SPRED2: variants seen among roughly 807,000 people sequenced by gnomAD.
SPRED2 encodes sprouty-related, EVH1 domain-containing protein 2.
A neutral mutation model predicts 43.0 loss-of-function variants in SPRED2; 47 were observed. The ratio of observed to expected loss-of-function variants is 1.09; its 90% CI spans 0.87 to 1.40. The LOEUF is 1.40. SPRED2 is among the 40% of genes most tolerant of loss of function. The probability of loss-of-function intolerance (pLI) is 0.00; values close to 1 mark genes in which losing one functional copy is unlikely to be tolerated. For synonymous variants in SPRED2, 225 were observed against 225.7 expected (o/e 1.00, Z 0.03); for missense variants, 561 against 586.4 (o/e 0.96, Z 0.45).
chr2:65,330,062 C>T (rs1673765170), intron 4 of SPRED2, among the ~76,000 whole-genome samples: 1 of 152,238 alleles, frequency 6.6e-6, no homozygotes, highest in Non-Finnish European at 1.5e-5. Context: ...AGTCCAGCCT[C>T]ACCCCCAGCG....
At chr2:65,363,239 CAAAAAAA>C (rs141094707) in intron 1 of SPRED2, among the ~76,000 whole-genome samples, 12 of 103,088 alleles carry the variant, frequency 1.2e-4, no homozygotes, top group African/African-American at 4.4e-4. Flanking sequence ...AACTCCGTCT[CAAAAAAA>C]AAAAAAAAAA....
intron 1 of SPRED2, chr2:65,380,711 G>A (rs1427709691): frequency 6.6e-6 from 1 of 152,140 alleles, no homozygotes; most frequent in African/African-American, 2.4e-5. Context: ...TCCAGTAAAT[G>A]GCTGTGAGAT....
At position 65,312,061 on chromosome 2, in the gene SPRED2, G is replaced by A; in HGVS notation, c.*1440C>T. On this transcript the variant is annotated 3_prime_UTR_variant, in exon 6 of 6. Coordinates refer to ENST00000356388, the MANE Select transcript of SPRED2 (RefSeq NM_181784.3). ...CGAGGTTCTGATTGTACTATGCTAGGTATAGGTAACCACTCTTCACTTTTC... is the reference window on the plus strand; with the variant it reads ...CGAGGTTCTGATTGTACTATGCTAGATATAGGTAACCACTCTTCACTTTTC... The A allele has an allele frequency of 4.1e-6, 4 of 985,416 alleles. No individual in the cohort carries two copies. The highest frequency in any genetic ancestry group is 4.8e-6 in the Non-Finnish European group (4 of 829,930). The allele number at this position is 985,416 out of a possible 1,614,324, so 61.0% of individuals were successfully genotyped here.
intron 1 of SPRED2, among the ~76,000 whole-genome samples, chr2:65,356,377 C>A (rs535592300): frequency 6.6e-6 from 1 of 151,950 alleles, no homozygotes. Flanking sequence ...TTTCTGAACA[C>A]CTGAAAATCA....
intron 1 of SPRED2, among the ~76,000 whole-genome samples, chr2:65,414,113 A>G (rs1460673186): frequency 6.6e-6 from 1 of 152,240 alleles, no homozygotes. Context: ...AAGTCTTAAA[A>G]AAATTAAAAA....
Position 65,385,406 on chromosome 2 carries a change from C to T in SPRED2, c.27-40510G>A, listed in dbSNP as rs116315131. On this transcript the variant is annotated intron_variant, in intron 1 of 5. Transcript: ENST00000356388. ...CCACGCCCTCTGGGGAGTTGGAGGG[C>T]GTCTGAACAGGAACTTCCATTAACC... 4.6e-3 allele frequency among the ~76,000 whole-genome samples: 695 copies of T among 152,292 alleles called. 6 individuals are homozygous for T. The highest frequency in any genetic ancestry group is 0.016 in the African/African-American group (645 of 41,544).
chr2:65,342,282 A>G (rs1281428619), intron 2 of SPRED2, among the ~76,000 whole-genome samples: 2 of 142,508 alleles, frequency 1.4e-5, no homozygotes, highest in African/African-American at 2.6e-5. Flanking sequence ...GTATACGTAT[A>G]TTATGTATGT....
intron 1 of SPRED2, among the ~76,000 whole-genome samples, chr2:65,411,866 C>A (rs141877508): frequency 6.6e-6 from 1 of 152,054 alleles, no homozygotes; most frequent in Non-Finnish European, 1.5e-5. Flanking sequence ...CGGTGGCTCA[C>A]GCCTGTAATC....
intron 1 of SPRED2, among the ~76,000 whole-genome samples, chr2:65,401,494 T>C (rs903276236): frequency 2.0e-5 from 3 of 151,562 alleles, no homozygotes; most frequent in Non-Finnish European, 4.4e-5. Flanking sequence ...TTATAAGTAG[T>C]GAGAGCTCAA....
chr2:65,394,380 C>T (rs1675705391), intron 1 of SPRED2, among the ~76,000 whole-genome samples: 3 of 152,184 alleles, frequency 2.0e-5, no homozygotes, highest in Admixed American at 6.5e-5. Flanking sequence ...GCACAGACCA[C>T]TCGGATAGAG....
At chr2:65,418,019 C>T (rs576476528) in intron 1 of SPRED2, among the ~76,000 whole-genome samples, 52 of 152,190 alleles carry the variant, frequency 3.4e-4, no homozygotes, top group Admixed American at 2.4e-3. Flanking sequence ...ACCATCTTCC[C>T]CAACAACTAT....
At chr2:65,426,861 C>T (rs1676568769) in intron 1 of SPRED2, among the ~76,000 whole-genome samples, 1 of 152,156 alleles carries the variant, frequency 6.6e-6, no homozygotes, top group South Asian at 2.1e-4. Context: ...GCAGAGGGGA[C>T]CAGCTTTAGT....
At position 65,390,806 on chromosome 2, in the gene SPRED2, C is replaced by T. The variant is rs186117406; in HGVS notation, c.26+41156G>A. Among the ~76,000 whole-genome samples the T allele has an allele frequency of 6.6e-5, 10 of 152,286 alleles. No individual in the cohort carries two copies. In the East Asian group the frequency reaches 1.7e-3, roughly 26 times the overall value. On this transcript the variant is annotated intron_variant, in intron 1 of 5. Transcript: ENST00000356388. ...ATCATCAGAAAATCTACTCCCTGGG[C>T]CAAGCACAGTGGCTCATGCCTGTAA...
At chr2:65,308,418 A>G, downstream of SPRED2, 2 of 985,472 alleles carry the variant, frequency 2.0e-6, no homozygotes, top group Non-Finnish European at 2.4e-6. Context: ...GTCAGCAAGA[A>G]ACTGAAATCA....
chr2:65,342,483 A>G (rs1674224739), intron 2 of SPRED2, among the ~76,000 whole-genome samples: 1 of 150,308 alleles, frequency 6.7e-6, no homozygotes, highest in Non-Finnish European at 1.5e-5. Context: ...GTATACGTAT[A>G]TTATATATGT....
intron 1 of SPRED2, among the ~76,000 whole-genome samples, chr2:65,384,386 A>G (rs976138701): frequency 5.3e-5 from 8 of 152,100 alleles, no homozygotes; most frequent in Non-Finnish European, 1.2e-4. Flanking sequence ...AGCCAAATCT[A>G]CTTTTACAGT....
Position 65,432,298 on chromosome 2 carries a change from G to C in SPRED2, c.-311C>G, listed in dbSNP as rs1668902187. 2.8e-6 allele frequency: 1 copy of C among 353,220 alleles called. No homozygotes were observed. The highest frequency in any genetic ancestry group is 2.1e-5 in the African/African-American group (1 of 46,828). 21.9% of individuals were successfully genotyped at this position (353,220 alleles called of 1,614,324 possible). A position where few individuals can be genotyped will look rare whatever the true frequency, so the allele number is the denominator to read the frequency against. On this transcript the variant is annotated 5_prime_UTR_variant, in exon 1 of 6. Transcript: ENST00000356388. ...GGGAAGGGGACGGCGGTGGGGGAGA[G>C]CAGGAGAAAAACAAGCGCGCCTCGG...
chr2:65,355,244 G>C (rs555045310), intron 1 of SPRED2, among the ~76,000 whole-genome samples: 1 of 152,098 alleles, frequency 6.6e-6, no homozygotes. Context: ...TATCAGTCAC[G>C]TATCTGTGCA....
chr2:65,310,220 C>T (rs192808940), downstream of SPRED2, among the ~76,000 whole-genome samples: 43 of 152,196 alleles, frequency 2.8e-4, no homozygotes, highest in Admixed American at 7.2e-4. Context: ...AACACTAAGA[C>T]GCAAGGCCCC....
Sources: gnomAD v4.1 joint callset for allele counts (sites outside exome capture counted in the v4.1 genomes callset) on GRCh38, gnomAD v4.1.1 for gene constraint, MANE v1.5 for transcripts, NCBI Gene and HGNC (gene_info 2026-07-23, HGNC 2026-07-21) for gene names.